The following MALRD1 variants were observed in gnomAD, a reference collection of about 807,000 sequenced individuals.
MALRD1 encodes MAM and LDL-receptor class A domain-containing protein 1.
Under a neutral mutation model 242.1 loss-of-function variants are expected in MALRD1, and 247 were observed. The observed-to-expected ratio is 1.02, with a 90% CI of 0.92 to 1.13. The LOEUF (loss-of-function observed/expected upper bound fraction) is 1.13, where lower values mean the gene tolerates loss of function less well. Among genes scored for constraint, MALRD1 ranks in the 50% most tolerant of loss-of-function variants. The pLI is 0.00. For missense variants in MALRD1, 2,989 were observed against 2,533.1 expected (o/e 1.18, Z -3.86); for synonymous variants, 995 against 866.6 (o/e 1.15, Z -2.60).
intron 34 of MALRD1, among the ~76,000 whole-genome samples, chr10:19,601,781 T>C (rs2131577951): frequency 6.6e-6 from 1 of 152,198 alleles, no homozygotes; most frequent in African/African-American, 2.4e-5. Flanking sequence ...GATAAATTCC[T>C]ATCTCCAATA....
chr10:19,571,232 T>TTCACTG (rs1160552793), intron 33 of MALRD1, among the ~76,000 whole-genome samples: 1 of 152,170 alleles, frequency 6.6e-6, no homozygotes, highest in Non-Finnish European at 1.5e-5. Context: ...GATCTGATGT[T>TTCACTG]TCACTGTTCT....
At chr10:19,374,926 A>G (rs1481132163) in intron 26 of MALRD1, among the ~76,000 whole-genome samples, 2 of 152,166 alleles carry the variant, frequency 1.3e-5, no homozygotes, top group Admixed American at 1.3e-4. Context: ...TAAGAATTGT[A>G]AATCAGAAGC....
chr10:19,340,209 A>T (rs2130952997), intron 24 of MALRD1, among the ~76,000 whole-genome samples: 1 of 152,264 alleles, frequency 6.6e-6, no homozygotes, highest in South Asian at 2.1e-4. Flanking sequence ...TGCCTTGAGA[A>T]ATAATCACAT....
intron 39 of MALRD1, among the ~76,000 whole-genome samples, chr10:19,732,611 TG>T (rs1381597244): frequency 2.0e-5 from 3 of 152,236 alleles, no homozygotes; most frequent in African/African-American, 7.2e-5. Flanking sequence ...TTTTAGTGTC[TG>T]AAAGGTACAC....
intron 18 of MALRD1, among the ~76,000 whole-genome samples, chr10:19,215,282 G>A (rs1291701145): frequency 6.6e-6 from 1 of 152,194 alleles, no homozygotes; most frequent in Middle Eastern, 3.2e-3. Flanking sequence ...CCATGCAGTG[G>A]AAAGTTGGTT....
At chr10:19,123,305 A>ATGTGTGTG (rs35317209) in intron 5 of MALRD1, among the ~76,000 whole-genome samples, 187 bp from the exon 6 acceptor site, 7 of 149,880 alleles carry the variant, frequency 4.7e-5, no homozygotes, top group East Asian at 3.9e-4. Context: ...AGTGGTGTGT[A>ATGTGTGTG]TGTGTGTGTG....
In MALRD1 at chr10:19,204,319, T is replaced by G. The variant is rs1442869996; in HGVS notation, c.2116T>G (p.Phe706Val). ...TTTTATCTCAACAGGGCATTTTATG[T>G]TCATTCTGAAGAAAAGCAGCAGCTT... Reference protein sequence around the residue: ...SLNASQGHFMFILKKSSSLWQ... With the variant: ...SLNASQGHFMVILKKSSSLWQ... Residue 706 changes from phenylalanine to valine, a missense_variant, in exon 16 of 40, where the codon TTC becomes GTC. Coordinates refer to ENST00000454679, the MANE Select transcript of MALRD1 (RefSeq NM_001142308.3). 6.5e-7 allele frequency: 1 copy of G among 1,542,378 alleles called. No homozygotes were observed. Among genetic ancestry groups the G allele is most frequent in the African/African-American group, 1.4e-5 (1 of 72,176 alleles).
chr10:19,577,774 C>G (rs1316472839), intron 33 of MALRD1, among the ~76,000 whole-genome samples: 1 of 151,782 alleles, frequency 6.6e-6, no homozygotes, highest in South Asian at 2.1e-4. Context: ...TATAATAAAA[C>G]ATAACATGGT....
At chr10:19,387,111 A>G (rs540461762) in intron 26 of MALRD1, among the ~76,000 whole-genome samples, 2 of 152,260 alleles carry the variant, frequency 1.3e-5, no homozygotes, top group East Asian at 3.9e-4. Context: ...ACGGATGCTA[A>G]TGGAATGTAT....
intron 21 of MALRD1, among the ~76,000 whole-genome samples, chr10:19,305,155 C>T (rs1424097419): frequency 6.6e-6 from 1 of 151,624 alleles, no homozygotes; most frequent in African/African-American, 2.4e-5. Context: ...TATACGGAGT[C>T]TTGTTCAGAA....
chr10:19,151,466 T>C (rs1833940156), intron 11 of MALRD1, among the ~76,000 whole-genome samples: 1 of 152,194 alleles, frequency 6.6e-6, no homozygotes, highest in South Asian at 2.1e-4. Context: ...AATTATTTTG[T>C]CTGCAAATAA....
intron 11 of MALRD1, among the ~76,000 whole-genome samples, chr10:19,154,700 G>C (rs888141013): frequency 6.6e-6 from 1 of 152,084 alleles, no homozygotes; most frequent in Non-Finnish European, 1.5e-5. Flanking sequence ...ATATCCTTCG[G>C]TACTTTGTGA....
intron 30 of MALRD1, among the ~76,000 whole-genome samples, chr10:19,493,474 T>C (rs1345154078): frequency 6.6e-6 from 1 of 152,082 alleles, no homozygotes; most frequent in East Asian, 1.9e-4. Flanking sequence ...ATAAAACTTA[T>C]AGTTCACTGA....
chr10:19,228,030 T>C (rs1837875441), intron 18 of MALRD1, among the ~76,000 whole-genome samples: 1 of 152,198 alleles, frequency 6.6e-6, no homozygotes, highest in Non-Finnish European at 1.5e-5. Flanking sequence ...ACAGACATTT[T>C]GGAAAGCAGT....
At chr10:19,505,129 G>A (rs1242071893) in intron 31 of MALRD1, among the ~76,000 whole-genome samples, 1 of 152,094 alleles carries the variant, frequency 6.6e-6, no homozygotes, top group African/African-American at 2.4e-5. Flanking sequence ...TAGAGTAGGA[G>A]GAAGAGGAAA....
At chr10:19,454,106 A>G (rs1420630204) in intron 29 of MALRD1, among the ~76,000 whole-genome samples, 2 of 152,014 alleles carry the variant, frequency 1.3e-5, no homozygotes, top group Non-Finnish European at 2.9e-5. Context: ...TTGTAGTGGC[A>G]TAATAGCTTT....
intron 10 of MALRD1, 115 bp downstream of exon 10, chr10:19,136,896 T>C (rs79595362): frequency 0.029 from 17,735 of 605,532 alleles, 350 homozygotes; most frequent in Middle Eastern, 0.089. Context: ...TGAAATGTGA[T>C]AAATATGCAT....
At chr10:19,255,154 T>C (rs575850314) in intron 18 of MALRD1, among the ~76,000 whole-genome samples, 1 of 152,084 alleles carries the variant, frequency 6.6e-6, no homozygotes, top group Non-Finnish European at 1.5e-5. Context: ...TCCAAGACGA[T>C]GATAGTTCTA....
intron 31 of MALRD1, among the ~76,000 whole-genome samples, chr10:19,515,726 A>AT (rs1461545356): frequency 2.6e-5 from 4 of 151,484 alleles, no homozygotes; most frequent in South Asian, 2.1e-4. Flanking sequence ...CGCCTGGCTA[A>AT]TTTTTTTTCT....
Sources: gnomAD v4.1 joint callset for allele counts (sites outside exome capture counted in the v4.1 genomes callset) on GRCh38, gnomAD v4.1.1 for gene constraint, MANE v1.5 for transcripts, NCBI Gene and HGNC (gene_info 2026-07-23, HGNC 2026-07-21) for gene names.